The following RP1 variants were observed in gnomAD, a reference collection of about 807,000 sequenced individuals.
RP1 encodes the protein RP1 axonemal microtubule associated.
Under a neutral mutation model 14.8 loss-of-function variants are expected in RP1, and 16 were observed. The observed-to-expected ratio is 1.08, with a 90% CI of 0.73 to 1.65. The LOEUF is 1.65. RP1 is among the 40% of genes most tolerant of loss of function. The probability of loss-of-function intolerance (pLI) is 0.00; values close to 1 mark genes in which losing one functional copy is unlikely to be tolerated. For synonymous variants in RP1, 876 were observed against 883.6 expected, an observed-to-expected ratio of 0.99 and a Z score of 0.15; for missense variants, 2,631 against 2,535.0, an observed-to-expected ratio of 1.04 and a Z score of -0.81.
chr8:54,622,525 G>A (rs1418223207), intron 3 of RP1, among the ~76,000 whole-genome samples: 1 of 152,122 alleles, frequency 6.6e-6, no homozygotes, highest in African/African-American at 2.4e-5. Context: ...TTGATGATGT[G>A]TGCTTTTTTG....
At chr8:54,808,051 T>C (rs547254121) in intron 24 of RP1, among the ~76,000 whole-genome samples, 3 of 152,128 alleles carry the variant, frequency 2.0e-5, no homozygotes, top group South Asian at 2.1e-4. Context: ...CATGGCCCTG[T>C]CAAGTAACCA....
chr8:54,851,046 C>T (rs189952236), intron 25 of RP1, among the ~76,000 whole-genome samples: 70 of 152,114 alleles, frequency 4.6e-4, no homozygotes, highest in Non-Finnish European at 1.6e-4. Flanking sequence ...GGCAAGTACA[C>T]GTACGTGTGT....
chr8:54,584,740 T>C (rs1332176847), intron 1 of RP1, among the ~76,000 whole-genome samples: 1 of 152,222 alleles, frequency 6.6e-6, no homozygotes, highest in Non-Finnish European at 1.5e-5. Context: ...GAATTGATCC[T>C]TTACCATTAT....
chr8:54,693,575 A>T (rs1255341503), intron 12 of RP1, among the ~76,000 whole-genome samples: 1 of 152,022 alleles, frequency 6.6e-6, no homozygotes, highest in South Asian at 2.1e-4. Flanking sequence ...ATTCTCTTTG[A>T]AGCAATTGTG....
intron 21 of RP1, among the ~76,000 whole-genome samples, chr8:54,758,508 A>C (rs1482231446): frequency 6.6e-6 from 1 of 151,892 alleles, no homozygotes; most frequent in Admixed American, 6.6e-5. Context: ...AAGGAAAGAA[A>C]ATTTGTCCCA....
intron 25 of RP1, among the ~76,000 whole-genome samples, chr8:54,849,926 A>G (rs925046902): frequency 6.6e-6 from 1 of 152,192 alleles, no homozygotes; most frequent in Non-Finnish European, 1.5e-5. Flanking sequence ...AATAGTGAAA[A>G]TACATAGTGT....
chr8:54,844,976 C>T (rs566851430), intron 25 of RP1, among the ~76,000 whole-genome samples: 1 of 152,124 alleles, frequency 6.6e-6, no homozygotes, highest in African/African-American at 2.4e-5. Context: ...CATACTAGGT[C>T]CCCACCTCAC....
rs553898862 is a variant in RP1, at chr8:54,862,199, C to A, written c.4070-3636C>A. Among the ~76,000 whole-genome samples, 3 of 152,234 alleles carry A rather than the reference C, an allele frequency of 2.0e-5. No homozygotes were observed. The South Asian group carries it at 6.2e-4, about 32-fold the overall frequency. On this transcript the variant is annotated intron_variant, in intron 27 of 28. Transcript: ENST00000637698. Reference sequence around the variant, plus strand: ...CGTAGAAGTCAGTTGCTAGGTAGGTCAAAGGATATGATCATATCTGGGTCT... The same window carrying A: ...CGTAGAAGTCAGTTGCTAGGTAGGTAAAAGGATATGATCATATCTGGGTCT...
chr8:54,797,070 A>G (rs1376514887), intron 24 of RP1, among the ~76,000 whole-genome samples: 1 of 152,190 alleles, frequency 6.6e-6, no homozygotes, highest in African/African-American at 2.4e-5. Context: ...ACAACAGTGT[A>G]AAGAGTAGAC....
rs201008674 is a variant in RP1, at chr8:54,625,608, G to A, written c.1726G>A (p.Val576Met). The A allele has an allele frequency of 4.8e-5, 78 of 1,614,018 alleles. No individual in the cohort carries two copies. Among genetic ancestry groups the A allele is most frequent in the Non-Finnish European group, 6.0e-5 (71 of 1,180,022 alleles). ...ATCAACTATATCAAATAACTCAATT[G>A]TGGAGGAAGATGTAGTTGATTGTGT... ...LPSTISNNSI[V>M]EEDVVDCVVL... Residue 576 changes from valine (V) to methionine (M), a missense_variant, in exon 4 of 4, where the codon GTG becomes ATG. By Grantham distance (21) the Val-to-Met change is conservative. Coordinates refer to ENST00000220676, the MANE Select transcript of RP1 (RefSeq NM_006269.2).
intron 12 of RP1, chr8:54,680,025 T>C: frequency 7.0e-7 from 1 of 1,433,226 alleles, no homozygotes; most frequent in Non-Finnish European, 9.1e-7. Context: ...ATAGTTTTGT[T>C]CTTTTTACAG....
rs1656162100 is a variant in RP1 at position 54,860,160 on chromosome 8, G to A, written c.4069+3054G>A. Reference sequence around the variant, plus strand: ...GATACAAAGAATAAAAATGACAGAAGGAAGAATGAAAGGGACATTGTGATT... The same window carrying A: ...GATACAAAGAATAAAAATGACAGAAAGAAGAATGAAAGGGACATTGTGATT... On this transcript the variant is annotated intron_variant, in intron 27 of 28. Transcript: ENST00000637698. Among the ~76,000 whole-genome samples the A allele has an allele frequency of 3.3e-5, 5 of 152,022 alleles. No individual in the cohort carries two copies. The South Asian group carries it at 1.0e-3, about 32-fold the overall frequency.
At chr8:54,773,412 T>C (rs891967079), downstream of RP1, among the ~76,000 whole-genome samples, 1 of 151,980 alleles carries the variant, frequency 6.6e-6, no homozygotes, top group African/African-American at 2.4e-5. Flanking sequence ...TGAGGTGGCC[T>C]GATCACTTGA....
At chr8:54,656,335 C>T in intron 6 of RP1, 1 of 996,828 alleles carries the variant, frequency 1.0e-6, no homozygotes, top group Non-Finnish European at 1.4e-6. Context: ...AGTTTCTTAT[C>T]ACTTACCTCT....
rs781031914 is a variant in RP1 at position 54,627,297 on chromosome 8, A to G, written c.3415A>G (p.Lys1139Glu). 2 of 1,614,136 alleles carry G rather than the reference A, an allele frequency of 1.2e-6. No homozygotes were observed. The highest frequency in any genetic ancestry group is 2.2e-5 in the South Asian group (2 of 91,088). ...LLAWLLVLNL[K>E]GSMNSFCQVD... ...AGCTTGGCTCTTGGTGCTAAACCTAAAGGGAAGTATGAATAGCTTCTGTCA... is the reference window on the plus strand; with the variant it reads ...AGCTTGGCTCTTGGTGCTAAACCTAGAGGGAAGTATGAATAGCTTCTGTCA... Residue 1139 changes from lysine to glutamate, a missense_variant, in exon 4 of 4, where the codon AAG becomes GAG. Transcript: ENST00000220676.
At chr8:54,679,552 G>C in intron 10 of RP1, 11 of 1,535,822 alleles carry the variant, frequency 7.2e-6, no homozygotes, top group Non-Finnish European at 9.6e-6. Flanking sequence ...ACTGGAGAAA[G>C]CATGACACTT....
At chr8:54,562,660 G>T (rs187645462) in intron 1 of RP1, among the ~76,000 whole-genome samples, 115 of 149,480 alleles carry the variant, frequency 7.7e-4, no homozygotes, top group African/African-American at 2.8e-3. Context: ...GGTGACAAGA[G>T]GGAAACTCCG....
chr8:54,810,895 C>T (rs1352051594), intron 24 of RP1, among the ~76,000 whole-genome samples: 2 of 152,072 alleles, frequency 1.3e-5, no homozygotes, highest in Non-Finnish European at 2.9e-5. Flanking sequence ...TTTTTGCCAC[C>T]CCAAGTAGTA....
At chr8:54,727,466 G>T (rs970621361) in intron 17 of RP1, among the ~76,000 whole-genome samples, 50 of 152,132 alleles carry the variant, frequency 3.3e-4, no homozygotes, top group African/African-American at 1.1e-3. Context: ...GAAATCCCTG[G>T]GGGATAGATA....
Sources: gnomAD v4.1 joint callset for allele counts (sites outside exome capture counted in the v4.1 genomes callset) on GRCh38, gnomAD v4.1.1 for gene constraint, MANE v1.5 for transcripts, NCBI Gene and HGNC (gene_info 2026-07-23, HGNC 2026-07-21) for gene names.